The following GRM5 variants were observed in gnomAD, a reference collection of about 807,000 sequenced individuals.
GRM5 encodes glutamate metabotropic receptor 5.
A neutral mutation model predicts 83.1 loss-of-function variants in GRM5; 19 were observed. The observed-to-expected ratio is 0.23, with a 90% CI of 0.16 to 0.34. The LOEUF is 0.34. GRM5 is among the 10% of genes least tolerant of loss of function. The probability of loss-of-function intolerance (pLI) is 1.00; values close to 1 mark genes in which losing one functional copy is unlikely to be tolerated. For synonymous variants in GRM5, 675 were observed against 633.6 expected (o/e 1.07, Z -0.98); for missense variants, 1,160 against 1,588.3 (o/e 0.73, Z 4.58).
chr11:88,563,004 C>G (rs1453972787), intron 8 of GRM5, among the ~76,000 whole-genome samples: 1 of 152,176 alleles, frequency 6.6e-6, no homozygotes, highest in African/African-American at 2.4e-5. Flanking sequence ...ACTGAACCAA[C>G]ACCCGAAGAA....
chr11:88,651,927 G>A lies in GRM5; in HGVS notation c.1147+1241C>T, dbSNP rs529461811. Among the ~76,000 whole-genome samples the A allele has an allele frequency of 2.0e-5, 3 of 152,080 alleles. No homozygotes were observed. The South Asian group carries it at 6.2e-4, about 32-fold the overall frequency. ...GAACAAACTGATACCAGAAACACAG[G>A]ATGAACATGACCTCAGAGGGGGAAA... is the stretch of plus-strand genomic sequence containing the variant. On this transcript the variant is annotated intron_variant, in intron 4 of 9. Transcript: ENST00000305447.
chr11:88,697,561 A>G (rs1940931959), intron 3 of GRM5, among the ~76,000 whole-genome samples: 1 of 152,228 alleles, frequency 6.6e-6, no homozygotes, highest in Non-Finnish European at 1.5e-5. Flanking sequence ...GGTACACATT[A>G]TAAAGATTTA....
chr11:88,874,213 C>T (rs1354482262), intron 2 of GRM5, among the ~76,000 whole-genome samples: 2 of 151,432 alleles, frequency 1.3e-5, no homozygotes, highest in South Asian at 4.2e-4. Context: ...TAAATTCATG[C>T]TTGCATGGTA....
chr11:88,509,263 G>A lies in GRM5; in HGVS notation c.2968C>T (p.Pro990Ser). ...TTGGGGCCGGCGTCTGGGGACTCGG[G>A]CCCGCCTGGGCCGGCGCCTGCGCAG... ...AGCAGAGPGG[P>S]ESPDAGPKAL... The change falls in exon 10 of 10, where the codon CCC becomes TCC. Residue 990 changes from proline (P) to serine (S), a missense_variant. By Grantham distance (74) the Pro-to-Ser change is moderately conservative. Transcript: ENST00000305447. 1 of 1,473,116 alleles carries A rather than the reference G, an allele frequency of 6.8e-7. No homozygotes were observed. The highest frequency in any genetic ancestry group is 9.0e-7 in the Non-Finnish European group (1 of 1,116,938). 91.3% of individuals were successfully genotyped at this position (1,473,116 alleles called of 1,614,324 possible). A position where few individuals can be genotyped will look rare whatever the true frequency, so the allele number is the denominator to read the frequency against.
At chr11:88,789,108 T>C (rs1405745696) in intron 3 of GRM5, among the ~76,000 whole-genome samples, 1 of 152,222 alleles carries the variant, frequency 6.6e-6, no homozygotes, top group Non-Finnish European at 1.5e-5. Flanking sequence ...GAGAATCGTG[T>C]TCTAAACCAG....
intron 8 of GRM5, among the ~76,000 whole-genome samples, chr11:88,537,191 T>C (rs542509929): frequency 2.6e-4 from 39 of 152,304 alleles, no homozygotes; most frequent in African/African-American, 8.7e-4. Context: ...GTATACTTAG[T>C]GGAGCTAGGC....
intron 3 of GRM5, among the ~76,000 whole-genome samples, chr11:88,700,284 T>A (rs769428254): frequency 2.6e-5 from 4 of 152,082 alleles, no homozygotes; most frequent in Non-Finnish European, 4.4e-5. Context: ...ACAGGAGGTA[T>A]CAAACAACCA....
intron 9 of GRM5, among the ~76,000 whole-genome samples, chr11:88,521,935 C>T (rs1173521983): frequency 1.3e-5 from 2 of 152,134 alleles, no homozygotes; most frequent in Non-Finnish European, 2.9e-5. Flanking sequence ...GCTTTCTTTC[C>T]CCACCAGGCA....
chr11:88,793,060 C>G (rs72643325), intron 3 of GRM5, among the ~76,000 whole-genome samples: 1 of 151,838 alleles, frequency 6.6e-6, no homozygotes, highest in African/African-American at 2.4e-5. Flanking sequence ...TTTATGATCA[C>G]TATGCATTCT....
chr11:89,057,546 A>G (rs1486281724), intron 1 of GRM5, among the ~76,000 whole-genome samples: 1 of 152,206 alleles, frequency 6.6e-6, no homozygotes, highest in African/African-American at 2.4e-5. Flanking sequence ...TCACTAAATC[A>G]TTGTAAATCA....
chr11:88,535,178 ATTC>A (rs1942106423), intron 8 of GRM5, among the ~76,000 whole-genome samples: 1 of 152,126 alleles, frequency 6.6e-6, no homozygotes, highest in South Asian at 2.1e-4. Context: ...GCATTGTCAC[ATTC>A]TTCTTAACAA....
intron 6 of GRM5, among the ~76,000 whole-genome samples, chr11:88,596,312 T>C (rs1007456186): frequency 3.3e-5 from 5 of 152,178 alleles, no homozygotes; most frequent in Non-Finnish European, 7.4e-5. Context: ...AGCATCCTTC[T>C]AACTTGTCTC....
chr11:88,629,901 C>A (rs1221748891), intron 4 of GRM5, among the ~76,000 whole-genome samples: 3 of 152,218 alleles, frequency 2.0e-5, no homozygotes, highest in African/African-American at 7.2e-5. Context: ...CAGTGGCCCA[C>A]ACAGCTTTCC....
chr11:88,554,919 C>A (rs1212088218), intron 8 of GRM5, among the ~76,000 whole-genome samples: 1 of 152,092 alleles, frequency 6.6e-6, no homozygotes. Context: ...CAGCAATGTC[C>A]TAGAGTTTAA....
chr11:89,047,555 T>C lies in GRM5; in HGVS notation c.318A>G (p.Leu106=), dbSNP rs765888144. The change falls in exon 2 of 10, where the codon CTA becomes CTG. Residue 106 remains leucine (L), a synonymous_variant. Coordinates refer to ENST00000305447, the MANE Select transcript of GRM5 (RefSeq NM_001143831.3). This position sits in a 1 kb window ranked among gnomAD's most constrained non-coding sequence, Gnocchi z 5.1. ...RDSCWHSAVA[L]EQSIEFIRDS... Reference sequence around the variant, plus strand: ...CTCTTATGAACTCAATGCTCTGCTCTAGGGCCACAGCCGAATGCCAGCAGG... The same window carrying C: ...CTCTTATGAACTCAATGCTCTGCTCCAGGGCCACAGCCGAATGCCAGCAGG... 6.2e-7 allele frequency: 1 copy of C among 1,614,170 alleles called. No homozygotes were observed. The highest frequency in any genetic ancestry group is 1.3e-5 in the African/African-American group (1 of 75,062).
intron 3 of GRM5, among the ~76,000 whole-genome samples, chr11:88,739,632 G>A (rs916877805): frequency 6.6e-6 from 1 of 151,992 alleles, no homozygotes; most frequent in African/African-American, 2.4e-5. Flanking sequence ...TCGTGATCAC[G>A]AGTGAATTCT....
intron 3 of GRM5, among the ~76,000 whole-genome samples, chr11:88,806,017 G>A (rs974629223): frequency 6.6e-6 from 1 of 152,316 alleles, no homozygotes; most frequent in East Asian, 1.9e-4. Flanking sequence ...GCACTGGAAA[G>A]GAAGATAATA....
intron 9 of GRM5, among the ~76,000 whole-genome samples, chr11:88,520,557 T>TATTGC (rs1435309029): frequency 6.6e-6 from 1 of 152,242 alleles, no homozygotes; most frequent in Admixed American, 6.5e-5. Context: ...AGGAGTTTTA[T>TATTGC]ATTGCATTGC....
At chr11:88,564,600 A>G (rs911272763) in intron 8 of GRM5, among the ~76,000 whole-genome samples, 1 of 152,158 alleles carries the variant, frequency 6.6e-6, no homozygotes, top group Non-Finnish European at 1.5e-5. Context: ...AGGGAGTAAG[A>G]GTGTGCACAT....
Sources: gnomAD v4.1 joint callset for allele counts (sites outside exome capture counted in the v4.1 genomes callset) on GRCh38, gnomAD v4.1.1 for gene constraint, Gnocchi (gnomAD v3.1) non-coding constraint, MANE v1.5 for transcripts, NCBI Gene and HGNC (gene_info 2026-07-23, HGNC 2026-07-21) for gene names.